Variants in SNTG2 observed in about 807,000 individuals in gnomAD.
The protein encoded by SNTG2 is syntrophin gamma 2.
Under a neutral mutation model 70.9 loss-of-function variants are expected in SNTG2, and 74 were observed. The observed-to-expected ratio is 1.04, with a 90% CI of 0.86 to 1.27. The LOEUF is 1.27. SNTG2 is among the 50% of genes most tolerant of loss of function. The probability of loss-of-function intolerance (pLI) is 0.00; values close to 1 mark genes in which losing one functional copy is unlikely to be tolerated. For synonymous variants in SNTG2, 278 were observed against 273.8 expected (o/e 1.02, Z -0.15); for missense variants, 717 against 690.7 (o/e 1.04, Z -0.43).
intron 9 of SNTG2, among the ~76,000 whole-genome samples, chr2:1,221,429 C>CCCTCTCTGTCTCTG (rs1674804138): frequency 7.4e-6 from 1 of 134,466 alleles, no homozygotes; most frequent in African/African-American, 2.7e-5. Flanking sequence ...TTGTCTCTGT[C>CCCTCTCTGTCTCTG]TCTCTCTGTC....
At chr2:1,012,583 T>C (rs1224846402) in intron 1 of SNTG2, among the ~76,000 whole-genome samples, 1 of 145,324 alleles carries the variant, frequency 6.9e-6, no homozygotes, top group Non-Finnish European at 1.6e-5. Context: ...GGAGAAGGAT[T>C]TATAAGGGCA....
chr2:1,106,791 TA>T (rs1666195241), intron 4 of SNTG2, among the ~76,000 whole-genome samples: 1 of 29,280 alleles, frequency 3.4e-5, no homozygotes, highest in African/African-American at 1.8e-4. Context: ...AGCTCCTTGG[TA>T]AGAGTGGACA....
intron 4 of SNTG2, chr2:1,103,379 C>CTTTTTTT (rs758261408): frequency 4.1e-6 from 1 of 241,158 alleles, no homozygotes; most frequent in Non-Finnish European, 8.4e-6. Flanking sequence ...TTATAAATTT[C>CTTTTTTT]TTTTTTTTTT....
At chr2:1,305,564 G>A (rs144263936) in intron 14 of SNTG2, among the ~76,000 whole-genome samples, 236 of 152,332 alleles carry the variant, frequency 1.5e-3, no homozygotes, top group African/African-American at 5.2e-3. Context: ...TAGGTTGAAA[G>A]AATTGTGTTT....
intron 9 of SNTG2, among the ~76,000 whole-genome samples, chr2:1,232,249 C>G (rs915152187): frequency 6.6e-6 from 1 of 152,120 alleles, no homozygotes; most frequent in African/African-American, 2.4e-5. Flanking sequence ...ACCTATTGAA[C>G]TTTTCTTTGT....
intron 9 of SNTG2, 119 bp from the exon 10 acceptor site, chr2:1,237,769 C>T: frequency 7.8e-7 from 1 of 1,280,056 alleles, no homozygotes; most frequent in Non-Finnish European, 1.1e-6. Flanking sequence ...GGAAGTGGTG[C>T]AGTTGCCCCA....
At chr2:1,292,468 A>G (rs1251408995) in intron 14 of SNTG2, among the ~76,000 whole-genome samples, 1 of 152,142 alleles carries the variant, frequency 6.6e-6, no homozygotes, top group African/African-American at 2.4e-5. Context: ...ATTGAGTATG[A>G]TGTTAATGTG....
At position 1,162,105 on chromosome 2, in the gene SNTG2, C is replaced by G. The variant is rs1316503274; in HGVS notation, c.412-3443C>G. ...AAAAAAAAAAAAAAGTGCTTGTTTT[C>G]AGGCTACTCTGCCTCTCTCTATTGA... On this transcript the variant is annotated intron_variant, in intron 6 of 16. Transcript: ENST00000308624. Among the ~76,000 whole-genome samples, 3 of 143,278 alleles carry G rather than the reference C, an allele frequency of 2.1e-5. No homozygotes were observed. The East Asian group carries it at 6.3e-4, about 30-fold the overall frequency. The allele number at this position is 143,278 out of a possible 152,430, so 94.0% of individuals were successfully genotyped here.
At chr2:983,439 C>T (rs909675497) in intron 1 of SNTG2, among the ~76,000 whole-genome samples, 9 of 152,126 alleles carry the variant, frequency 5.9e-5, no homozygotes, top group South Asian at 2.1e-4. Context: ...TCTATCATCA[C>T]GCTCTGATTT....
chr2:1,132,289 T>C (rs966278357), intron 4 of SNTG2, among the ~76,000 whole-genome samples: 1 of 151,680 alleles, frequency 6.6e-6, no homozygotes, highest in Non-Finnish European at 1.5e-5. Context: ...ATGCACAGGT[T>C]GATAGGTTTG....
At chr2:1,062,344 A>G (rs924369543) in intron 1 of SNTG2, among the ~76,000 whole-genome samples, 2 of 152,244 alleles carry the variant, frequency 1.3e-5, no homozygotes, top group Admixed American at 6.5e-5. Context: ...GATAGGGTTC[A>G]GAATCCTGGC....
intron 1 of SNTG2, among the ~76,000 whole-genome samples, chr2:1,061,431 T>A (rs1000930876): frequency 3.3e-5 from 5 of 152,258 alleles, no homozygotes; most frequent in Non-Finnish European, 7.3e-5. Flanking sequence ...TTTTCAAGGA[T>A]GTTTGTGCAG....
chr2:1,049,756 A>G (rs1384652481), intron 1 of SNTG2, among the ~76,000 whole-genome samples: 1 of 152,188 alleles, frequency 6.6e-6, no homozygotes, highest in Non-Finnish European at 1.5e-5. Flanking sequence ...TTGCATTCTC[A>G]CCAGCAATGA....
intron 14 of SNTG2, among the ~76,000 whole-genome samples, chr2:1,287,609 C>T (rs545298695): frequency 3.3e-5 from 5 of 152,300 alleles, no homozygotes; most frequent in East Asian, 1.9e-4. Context: ...AGAGTGACGG[C>T]GGAACGTGCT....
chr2:960,536 G>T (rs1660309998), intron 1 of SNTG2, among the ~76,000 whole-genome samples: 1 of 152,220 alleles, frequency 6.6e-6, no homozygotes, highest in African/African-American at 2.4e-5. Flanking sequence ...TGGGAGCACG[G>T]TGAGCTCTGA....
In SNTG2 at chr2:1,201,327, T is replaced by C. The variant is rs577284772; in HGVS notation, c.592-7776T>C. On this transcript the variant is annotated intron_variant, in intron 8 of 16. Coordinates refer to ENST00000308624, the MANE Select transcript of SNTG2 (RefSeq NM_018968.4). The stretch of plus-strand genomic sequence containing the variant: ...CAAATATCACATGTTATCACTCATA[T>C]AGTAAGAGCTAAAAAAGTTGATTTC... Among the ~76,000 whole-genome samples, 133 of 151,962 alleles carry C rather than the reference T, an allele frequency of 8.8e-4. 1 individual carries two copies. Among genetic ancestry groups the C allele is most frequent in the African/African-American group, 3.0e-3 (125 of 41,520 alleles).
At chr2:1,204,982 T>A (rs750122716) in intron 8 of SNTG2, among the ~76,000 whole-genome samples, 4 of 152,196 alleles carry the variant, frequency 2.6e-5, no homozygotes, top group Admixed American at 2.6e-4. Context: ...CTTTAAAAAT[T>A]ATTATGTGCA....
intron 16 of SNTG2, among the ~76,000 whole-genome samples, chr2:1,349,211 G>A (rs905390075): frequency 2.6e-5 from 4 of 152,104 alleles, no homozygotes; most frequent in Non-Finnish European, 1.5e-5. Flanking sequence ...TGGTTGGGGG[G>A]GTCACTGGTC....
At chr2:1,245,712 G>A (rs1183445150) in intron 11 of SNTG2, among the ~76,000 whole-genome samples, 1 of 152,110 alleles carries the variant, frequency 6.6e-6, no homozygotes, top group African/African-American at 2.4e-5. Context: ...GACAAAAAAG[G>A]AAAAAATCTA....
Sources: gnomAD v4.1 joint callset for allele counts (sites outside exome capture counted in the v4.1 genomes callset) on GRCh38, gnomAD v4.1.1 for gene constraint, MANE v1.5 for transcripts, NCBI Gene and HGNC (gene_info 2026-07-23, HGNC 2026-07-21) for gene names.